Variants in SGF29 observed in about 807,000 individuals in gnomAD.
SGF29 encodes the protein SAGA complex associated factor 29, also known as SAGA-associated factor 29.
In SGF29, 15 loss-of-function variants were observed where a neutral mutation model predicts 38.1. The observed-to-expected ratio is 0.39, with a 90% CI of 0.26 to 0.61. The LOEUF (loss-of-function observed/expected upper bound fraction) is 0.61, where lower values mean the gene tolerates loss of function less well. Ranked by LOEUF, SGF29 falls within the 20% of genes least tolerant of loss-of-function variation. The pLI is 0.49. For synonymous variants in SGF29, 151 were observed against 160.8 expected, an observed-to-expected ratio of 0.94 and a Z score of 0.46; for missense variants, 184 against 394.6, an observed-to-expected ratio of 0.47 and a Z score of 4.52.
At chr16:28,564,605 G>GTATATA (rs1229937671) in intron 1 of SGF29, among the ~76,000 whole-genome samples, 52 of 107,848 alleles carry the variant, frequency 4.8e-4, no homozygotes, top group African/African-American at 1.6e-3. Context: ...ACATATATGT[G>GTATATA]TATATATATA....
rs1356862520 is a variant in SGF29, at chr16:28,591,786, C to T, written c.*80C>T. ...CGTGCTGGGATTAAACACATTCCCC[C>T]TCTACTCGTCTCCTGGGTTTTACTT... On this transcript the variant is annotated 3_prime_UTR_variant, in exon 10 of 10. Transcript: ENST00000317058. The T allele has an allele frequency of 6.9e-6, 9 of 1,299,536 alleles. No individual in the cohort carries two copies. The highest frequency in any genetic ancestry group is 1.5e-5 in the African/African-American group (1 of 68,746). The allele number at this position is 1,299,536 out of a possible 1,614,324, so 80.5% of individuals were successfully genotyped here.
intron 4 of SGF29, among the ~76,000 whole-genome samples, chr16:28,587,714 T>C (rs2046963012): frequency 6.6e-6 from 1 of 152,202 alleles, no homozygotes; most frequent in South Asian, 2.1e-4. Context: ...TCAGAAAGGC[T>C]TGCCAGAGGA....
intron 1 of SGF29, among the ~76,000 whole-genome samples, chr16:28,569,356 C>A (rs1409063831): frequency 6.6e-6 from 1 of 152,086 alleles, no homozygotes; most frequent in Non-Finnish European, 1.5e-5. Context: ...AGCATGGCCA[C>A]GTTGTAAAGA....
At chr16:28,564,626 T>C (rs975590262) in intron 1 of SGF29, among the ~76,000 whole-genome samples, 2 of 126,008 alleles carry the variant, frequency 1.6e-5, no homozygotes, top group East Asian at 4.1e-4. Context: ...CATATATGCA[T>C]ATATATACGT....
At chr16:28,565,965 G>A (rs1360269660) in intron 1 of SGF29, among the ~76,000 whole-genome samples, 2 of 152,014 alleles carry the variant, frequency 1.3e-5, no homozygotes, top group East Asian at 3.9e-4. Context: ...GATTTGGTAG[G>A]TACAGTGCTA....
chr16:28,574,013 GT>G (rs1354028626), intron 1 of SGF29, among the ~76,000 whole-genome samples: 2 of 152,316 alleles, frequency 1.3e-5, no homozygotes, highest in South Asian at 2.1e-4. Flanking sequence ...CGGGCCATTG[GT>G]TTTGTTACGG....
At position 28,584,028 on chromosome 16, in the gene SGF29, CT is replaced by C. The variant is rs59285238; in HGVS notation, c.76-869del. Among the ~76,000 whole-genome samples, 915 of 137,788 alleles carry C rather than the reference CT, an allele frequency of 6.6e-3. 1 individual carries two copies. The highest frequency in any genetic ancestry group is 0.016 in the Middle Eastern group (4 of 252). The allele number at this position is 137,788 out of a possible 152,430, so 90.4% of individuals were successfully genotyped here. Reference sequence around the variant, plus strand: ...ACTTATGATTTAACTTTAATGCCTTCTTTTTTTTTTTTTTTTAACAGTCTCA... The same window carrying C: ...ACTTATGATTTAACTTTAATGCCTTCTTTTTTTTTTTTTTTAACAGTCTCA... On this transcript the variant is annotated intron_variant, in intron 2 of 9. Transcript: ENST00000317058.
At chr16:28,567,640 GCAC>G (rs1465684345) in intron 1 of SGF29, among the ~76,000 whole-genome samples, 3 of 152,220 alleles carry the variant, frequency 2.0e-5, no homozygotes. Flanking sequence ...TGTGGTAAGG[GCAC>G]AGGAGGAGAG....
chr16:28,586,028 C>T (rs2151653027), intron 4 of SGF29, among the ~76,000 whole-genome samples: 1 of 152,294 alleles, frequency 6.6e-6, no homozygotes, highest in Non-Finnish European at 1.5e-5. Flanking sequence ...TCTGTAATCA[C>T]AACATTACAG....
At chr16:28,557,387 G>T (rs970654886) in intron 1 of SGF29, among the ~76,000 whole-genome samples, 5 of 152,210 alleles carry the variant, frequency 3.3e-5, no homozygotes, top group African/African-American at 4.8e-5. Flanking sequence ...AGGGTGGCGT[G>T]CCCAGGGTGG....
rs140614382 is a variant in SGF29 at position 28,579,887 on chromosome 16, C to T, written c.-15-1168C>T. Among the ~76,000 whole-genome samples the T allele has an allele frequency of 3.0e-4, 46 of 151,904 alleles. 1 individual carries two copies. In the East Asian group the frequency reaches 5.1e-3, roughly 17 times the overall value. ...CAGAGATTGCAGTGAGCCAAGATCA[C>T]ACCACTGCACTCCAGCCTAGGTGAC... On this transcript the variant is annotated intron_variant, in intron 1 of 9. Coordinates refer to ENST00000317058, the MANE Select transcript of SGF29 (RefSeq NM_138414.3).
At chr16:28,569,297 G>T (rs1221681113) in intron 1 of SGF29, among the ~76,000 whole-genome samples, 1 of 152,094 alleles carries the variant, frequency 6.6e-6, no homozygotes, top group Non-Finnish European at 1.5e-5. Flanking sequence ...ACTAAATACA[G>T]AATTTAAAGC....
At chr16:28,554,224 C>T (rs1169684952) in intron 1 of SGF29, 127 bp downstream of exon 1, 1 of 126,864 alleles carries the variant, frequency 7.9e-6, no homozygotes, top group East Asian at 2.8e-4. Context: ...CGCACGCGCT[C>T]TGGGCGGGAG....
At chr16:28,579,080 C>A (rs1290312682) in intron 1 of SGF29, among the ~76,000 whole-genome samples, 2 of 151,988 alleles carry the variant, frequency 1.3e-5, no homozygotes, top group Non-Finnish European at 2.9e-5. Context: ...AGTCACTGCC[C>A]CCAGCTTGAA....
At chr16:28,554,160 C>T (rs912804176) in intron 1 of SGF29, 63 bp downstream of exon 1, 3 of 152,202 alleles carry the variant, frequency 2.0e-5, no homozygotes, top group African/African-American at 7.2e-5. Context: ...GGGCTGAGTC[C>T]TCCCTCCGCG....
At position 28,585,705 on chromosome 16, in the gene SGF29, C is replaced by T. The variant is rs2046952827; in HGVS notation, c.209C>T (p.Ala70Val). The T allele has an allele frequency of 1.2e-6, 2 of 1,614,082 alleles. No individual in the cohort carries two copies. The highest frequency in any genetic ancestry group is 2.7e-5 in the African/African-American group (2 of 74,948). ...CTCTACACAACCGCCAAGGCCGATGCAGAGGCTGAGTGCAAGTGAGTACCG... is the reference window on the plus strand; with the variant it reads ...CTCTACACAACCGCCAAGGCCGATGTAGAGGCTGAGTGCAAGTGAGTACCG... ...RGLYTTAKAD[A>V]EAECNILRKA... Residue 70 changes from alanine to valine, a missense_variant, in exon 4 of 10, where the codon GCA becomes GTA. Transcript: ENST00000317058.
intron 1 of SGF29, among the ~76,000 whole-genome samples, chr16:28,557,546 A>G (rs1352169764): frequency 6.6e-6 from 1 of 152,196 alleles, no homozygotes; most frequent in African/African-American, 2.4e-5. Flanking sequence ...AATGGAACCC[A>G]AGGAGGGAGT....
intron 1 of SGF29, among the ~76,000 whole-genome samples, chr16:28,576,774 GC>G (rs774954884): frequency 6.6e-6 from 1 of 152,164 alleles, no homozygotes; most frequent in Non-Finnish European, 1.5e-5. Flanking sequence ...ATTCATAATA[GC>G]CAAAAAAATA....
At chr16:28,569,360 G>A (rs1479520852) in intron 1 of SGF29, among the ~76,000 whole-genome samples, 1 of 152,158 alleles carries the variant, frequency 6.6e-6, no homozygotes, top group Non-Finnish European at 1.5e-5. Flanking sequence ...TGGCCACGTT[G>A]TAAAGAATGA....
Sources: allele counts gnomAD v4.1 joint callset (sites outside exome capture counted in the v4.1 genomes callset), GRCh38; gene constraint gnomAD v4.1.1; transcripts MANE v1.5; gene names NCBI Gene and HGNC (gene_info 2026-07-23, HGNC 2026-07-21).